ITCH: variants seen among roughly 807,000 people sequenced by gnomAD.
The protein encoded by ITCH is E3 ubiquitin-protein ligase Itchy homolog.
ITCH carries 28 observed loss-of-function variants against 126.8 expected under a neutral mutation model. The observed-to-expected ratio is 0.22, with a 90% CI of 0.16 to 0.30. ITCH has a LOEUF of 0.30. Ranked by LOEUF, ITCH falls within the 10% of genes least tolerant of loss-of-function variation. The probability of loss-of-function intolerance (pLI) is 1.00; values close to 1 mark genes in which losing one functional copy is unlikely to be tolerated. For missense variants in ITCH, 631 were observed against 1,032.4 expected, an observed-to-expected ratio of 0.61 and a Z score of 5.33; for synonymous variants, 342 against 340.0, an observed-to-expected ratio of 1.01 and a Z score of -0.06.
chr20:34,418,475 G>A (rs1980260971), intron 6 of ITCH, among the ~76,000 whole-genome samples: 1 of 151,856 alleles, frequency 6.6e-6, no homozygotes, highest in Non-Finnish European at 1.5e-5. Context: ...TAACGTTAGG[G>A]TAAACCATTT....
At chr20:34,428,374 T>TA (rs1399344079) in intron 7 of ITCH, among the ~76,000 whole-genome samples, 2 of 152,214 alleles carry the variant, frequency 1.3e-5, no homozygotes, top group Non-Finnish European at 2.9e-5. Flanking sequence ...CTAATAGCCT[T>TA]AGGTTATTTT....
At chr20:34,464,351 C>T (rs1202635106) in intron 14 of ITCH, among the ~76,000 whole-genome samples, 2 of 131,966 alleles carry the variant, frequency 1.5e-5, no homozygotes, top group African/African-American at 5.7e-5. Context: ...GAGCTTCACT[C>T]TTTTTGCCCA....
intron 13 of ITCH, among the ~76,000 whole-genome samples, chr20:34,460,878 G>A (rs774180172): frequency 6.6e-6 from 1 of 152,020 alleles, no homozygotes; most frequent in Non-Finnish European, 1.5e-5. Context: ...TAATTTAACC[G>A]GGTGTGGTGG....
At chr20:34,488,066 T>G (rs148367055) in intron 20 of ITCH, among the ~76,000 whole-genome samples, 30 of 152,360 alleles carry the variant, frequency 2.0e-4, no homozygotes, top group African/African-American at 7.0e-4. Context: ...TTATTCTTGC[T>G]TTAATTTTTA....
chr20:34,408,630 T>C (rs1457473958), intron 3 of ITCH, 21 bp from the exon 4 acceptor site: 1 of 1,599,494 alleles, frequency 6.3e-7, no homozygotes, highest in Non-Finnish European at 8.6e-7. Context: ...TATTGAAATG[T>C]TTTTCATTTC....
intron 23 of ITCH, among the ~76,000 whole-genome samples, chr20:34,494,980 G>A (rs568736787): frequency 2.1e-5 from 3 of 144,208 alleles, no homozygotes; most frequent in South Asian, 2.2e-4. Flanking sequence ...CACTGGGCGC[G>A]GTGGCTCACG....
At chr20:34,489,138 G>A in intron 20 of ITCH, 128 bp from the exon 21 acceptor site, 1 of 698,592 alleles carries the variant, frequency 1.4e-6, no homozygotes, top group South Asian at 1.9e-5. Context: ...TGTGTACAGG[G>A]GGTTCATTAT....
chr20:34,481,943 G>A (rs539446573), intron 20 of ITCH, among the ~76,000 whole-genome samples: 9 of 152,226 alleles, frequency 5.9e-5, no homozygotes, highest in East Asian at 1.9e-4. Flanking sequence ...CCTGGGAGGC[G>A]GGGATTGCAG....
intron 16 of ITCH, among the ~76,000 whole-genome samples, chr20:34,475,733 GAGGC>G: frequency 6.6e-6 from 1 of 151,756 alleles, no homozygotes; most frequent in South Asian, 2.1e-4. Flanking sequence ...GGGGCAGGCA[GAGGC>G]AGGCAGAGGC....
At chr20:34,384,018 A>G (rs1429424887) in intron 2 of ITCH, 1 of 149,954 alleles carries the variant, frequency 6.7e-6, no homozygotes, top group Admixed American at 6.7e-5. Context: ...CTAATTTTGT[A>G]TTTATAGTAG....
chr20:34,387,693 A>G (rs2038336344), intron 2 of ITCH, among the ~76,000 whole-genome samples: 1 of 141,008 alleles, frequency 7.1e-6, no homozygotes, highest in Non-Finnish European at 1.5e-5. Flanking sequence ...GTTTTAAAAT[A>G]TTGTTACTAG....
intron 22 of ITCH, among the ~76,000 whole-genome samples, chr20:34,490,197 G>A (rs144081099): frequency 2.0e-5 from 3 of 152,106 alleles, no homozygotes; most frequent in Non-Finnish European, 4.4e-5. Context: ...TGGTTTTGGG[G>A]TTTTATAGGA....
At chr20:34,449,168 G>A (rs1031835588) in intron 11 of ITCH, among the ~76,000 whole-genome samples, 1 of 151,978 alleles carries the variant, frequency 6.6e-6, no homozygotes, top group African/African-American at 2.4e-5. Flanking sequence ...TTGGGGATGA[G>A]GATTACATAT....
At chr20:34,401,745 C>T (rs1476370467) in intron 3 of ITCH, 2 of 555,254 alleles carry the variant, frequency 3.6e-6, no homozygotes, top group Non-Finnish European at 4.6e-6. Context: ...AAACAAACCT[C>T]CCCCCTAAAA....
intron 11 of ITCH, 80 bp from the exon 12 acceptor site, chr20:34,449,331 G>T: frequency 1.2e-6 from 1 of 819,286 alleles, no homozygotes; most frequent in East Asian, 2.5e-5. Flanking sequence ...TGCCAGGGAA[G>T]GGAAATCAGA....
chr20:34,502,211 T>C (rs937671232), intron 23 of ITCH, among the ~76,000 whole-genome samples: 2 of 152,152 alleles, frequency 1.3e-5, no homozygotes, highest in African/African-American at 4.8e-5. Flanking sequence ...ATGAAACTCC[T>C]TTCCATCTAT....
At chr20:34,412,699 A>G (rs183091207) in intron 5 of ITCH, 60 bp downstream of exon 5, 9 of 1,420,018 alleles carry the variant, frequency 6.3e-6, no homozygotes, top group Non-Finnish European at 8.9e-6. Context: ...GAAGAAATTT[A>G]TATGTCAAAC....
chr20:34,416,004 C>T (rs1315682086), intron 6 of ITCH, among the ~76,000 whole-genome samples: 1 of 151,970 alleles, frequency 6.6e-6, no homozygotes, highest in Non-Finnish European at 1.5e-5. Context: ...CACCCGTAAG[C>T]CCAGCTGCTC....
intron 11 of ITCH, among the ~76,000 whole-genome samples, chr20:34,448,131 T>C (rs1031403263): frequency 6.6e-6 from 1 of 152,214 alleles, no homozygotes; most frequent in Admixed American, 6.5e-5. Context: ...GGCTCACACC[T>C]GTACTCCCAG....
Sources: gnomAD v4.1 joint callset for allele counts (sites outside exome capture counted in the v4.1 genomes callset) on GRCh38, gnomAD v4.1.1 for gene constraint, MANE v1.5 for transcripts, NCBI Gene and HGNC (gene_info 2026-07-23, HGNC 2026-07-21) for gene names.